NIPAL2: variants seen among roughly 807,000 people sequenced by gnomAD.
The protein encoded by NIPAL2 is NIPA-like protein 2.
In NIPAL2, 43 loss-of-function variants were observed where a neutral mutation model predicts 48.9. The ratio of observed to expected loss-of-function variants is 0.88; its 90% CI spans 0.69 to 1.13. The LOEUF (loss-of-function observed/expected upper bound fraction) is 1.13, where lower values mean the gene tolerates loss of function less well. Among genes scored for constraint, NIPAL2 ranks in the 50% most tolerant of loss-of-function variants. The probability of loss-of-function intolerance (pLI) is 0.00; values close to 1 mark genes in which losing one functional copy is unlikely to be tolerated. For synonymous variants in NIPAL2, 167 were observed against 174.6 expected (o/e 0.96, Z 0.34); for missense variants, 446 against 461.4 (o/e 0.97, Z 0.31).
intron 8 of NIPAL2, 116 bp from the exon 9 acceptor site, chr8:98,196,121 C>G (rs897225319): frequency 8.4e-6 from 5 of 595,024 alleles, no homozygotes; most frequent in Non-Finnish European, 1.1e-5. Flanking sequence ...ATTTAGTCAT[C>G]CTTAAAATGC....
At chr8:98,289,162 C>A (rs1369299850) in intron 1 of NIPAL2, among the ~76,000 whole-genome samples, 1 of 152,160 alleles carries the variant, frequency 6.6e-6, no homozygotes, top group South Asian at 2.1e-4. Context: ...TCTTTTAGGT[C>A]TATTTTAATC....
At chr8:98,260,551 G>A (rs1246580010) in intron 1 of NIPAL2, among the ~76,000 whole-genome samples, 6 of 152,160 alleles carry the variant, frequency 3.9e-5, no homozygotes, top group Non-Finnish European at 4.4e-5. Context: ...ACTCCAACCC[G>A]AATACTGCGC....
At chr8:98,209,165 G>C (rs895696993) in intron 6 of NIPAL2, among the ~76,000 whole-genome samples, 6 of 152,084 alleles carry the variant, frequency 3.9e-5, no homozygotes, top group Non-Finnish European at 8.8e-5. Flanking sequence ...TGTGATTACT[G>C]TGCTCAATTC....
rs1810307151 is a variant in NIPAL2 at position 98,191,576 on chromosome 8, G to C, written c.*1402C>G. On this transcript the variant is annotated 3_prime_UTR_variant, in exon 11 of 11. Transcript: ENST00000430223. Reference sequence around the variant, plus strand: ...AAGGTTACAGTCTCAATACCACCGAGTTAAACAACCTATTTAAATGCAAGA... The same window carrying C: ...AAGGTTACAGTCTCAATACCACCGACTTAAACAACCTATTTAAATGCAAGA... The C allele has an allele frequency of 1.3e-5, 2 of 152,252 alleles. No individual in the cohort carries two copies. Among genetic ancestry groups the C allele is most frequent in the South Asian group, 4.2e-4 (2 of 4,816 alleles). The allele number at this position is 152,252 out of a possible 1,614,324, so 9.4% of individuals were successfully genotyped here. A position where few individuals can be genotyped will look rare whatever the true frequency, so the allele number is the denominator to read the frequency against.
At chr8:98,268,121 T>C (rs1013768459) in intron 1 of NIPAL2, among the ~76,000 whole-genome samples, 1 of 152,222 alleles carries the variant, frequency 6.6e-6, no homozygotes, top group African/African-American at 2.4e-5. Context: ...GATAATTGAA[T>C]ACAAATAATT....
intron 8 of NIPAL2, among the ~76,000 whole-genome samples, chr8:98,196,442 T>C (rs777081662): frequency 1.5e-4 from 23 of 152,314 alleles, no homozygotes; most frequent in Non-Finnish European, 8.8e-5. Context: ...CTGCCACCCA[T>C]GCTGTCACTC....
chr8:98,269,146 C>A (rs1329325467), intron 1 of NIPAL2, among the ~76,000 whole-genome samples: 1 of 152,160 alleles, frequency 6.6e-6, no homozygotes, highest in Non-Finnish European at 1.5e-5. Flanking sequence ...AGTCTTGAAC[C>A]CTTCCAAGTC....
rs551559848 is a variant in NIPAL2 at position 98,201,674 on chromosome 8, T to C, written c.880+1434A>G. On this transcript the variant is annotated intron_variant, in intron 8 of 10. Transcript: ENST00000430223. The stretch of plus-strand genomic sequence containing the variant: ...TTAACTATCAGGCTTATGTCATTTC[T>C]ATGTCTCTTTTTGGCCTATTTTCCT... Among the ~76,000 whole-genome samples, 108 of 152,224 alleles carry C rather than the reference T, an allele frequency of 7.1e-4. 1 individual carries two copies. The highest frequency in any genetic ancestry group is 1.2e-3 in the Non-Finnish European group (79 of 68,038).
intron 1 of NIPAL2, among the ~76,000 whole-genome samples, chr8:98,258,089 G>T (rs1263118949): frequency 6.6e-6 from 1 of 152,180 alleles, no homozygotes; most frequent in African/African-American, 2.4e-5. Flanking sequence ...GACTACTTTT[G>T]TCTACAACCT....
chr8:98,212,586 A>C, intron 5 of NIPAL2, 85 bp from the exon 6 acceptor site: 4 of 717,062 alleles, frequency 5.6e-6, no homozygotes, highest in Non-Finnish European at 9.6e-6. Flanking sequence ...TTTTGCAGCA[A>C]TTCTCATATG....
chr8:98,279,018 G>C (rs982010098), intron 1 of NIPAL2, among the ~76,000 whole-genome samples: 13 of 152,086 alleles, frequency 8.5e-5, no homozygotes, highest in Non-Finnish European at 1.5e-5. Context: ...TAAAGCAGCT[G>C]TCAGAAAGTT....
intron 4 of NIPAL2, among the ~76,000 whole-genome samples, chr8:98,232,710 G>C (rs1282986120): frequency 6.6e-6 from 1 of 151,710 alleles, no homozygotes; most frequent in East Asian, 1.9e-4. Context: ...GGTTATATAA[G>C]GTTACATAAT....
At chr8:98,277,689 A>G (rs1428471466) in intron 1 of NIPAL2, among the ~76,000 whole-genome samples, 1 of 152,222 alleles carries the variant, frequency 6.6e-6, no homozygotes. Context: ...CATTTTATAT[A>G]AATGGACTCA....
chr8:98,201,013 T>C (rs1187015209), intron 8 of NIPAL2, among the ~76,000 whole-genome samples: 1 of 152,232 alleles, frequency 6.6e-6, no homozygotes, highest in Non-Finnish European at 1.5e-5. Context: ...GTAGAAATAT[T>C]GTTAAGGCTT....
intron 5 of NIPAL2, among the ~76,000 whole-genome samples, chr8:98,213,506 C>T (rs1166278928): frequency 2.6e-5 from 4 of 152,218 alleles, no homozygotes; most frequent in Admixed American, 2.0e-4. Context: ...CAAACTCCCT[C>T]CTGGATCATA....
At chr8:98,271,373 C>G (rs922444982) in intron 1 of NIPAL2, among the ~76,000 whole-genome samples, 1 of 152,098 alleles carries the variant, frequency 6.6e-6, no homozygotes, top group Non-Finnish European at 1.5e-5. Context: ...TGATTTCTTT[C>G]AGCAGTATTT....
intron 6 of NIPAL2, among the ~76,000 whole-genome samples, chr8:98,206,374 A>G (rs192612457): frequency 6.6e-6 from 1 of 152,112 alleles, no homozygotes; most frequent in Non-Finnish European, 1.5e-5. Context: ...TATTTAAAAC[A>G]GCAAGTGGTG....
intron 3 of NIPAL2, among the ~76,000 whole-genome samples, chr8:98,236,696 C>CA (rs1034073369): frequency 2.6e-5 from 4 of 151,386 alleles, no homozygotes; most frequent in South Asian, 4.2e-4. Context: ...ACTTAAAATA[C>CA]AAAAAATTAG....
chr8:98,257,003 C>A (rs944390181), intron 1 of NIPAL2, among the ~76,000 whole-genome samples: 9 of 152,174 alleles, frequency 5.9e-5, no homozygotes, highest in African/African-American at 2.2e-4. Flanking sequence ...TACACTACAA[C>A]ATGGATGAAC....
Sources: gnomAD v4.1 joint callset for allele counts (sites outside exome capture counted in the v4.1 genomes callset) on GRCh38, gnomAD v4.1.1 for gene constraint, MANE v1.5 for transcripts, NCBI Gene and HGNC (gene_info 2026-07-23, HGNC 2026-07-21) for gene names.